Variants in TPRG1 observed in about 807,000 individuals in gnomAD.
TPRG1 encodes tumor protein p63 regulated 1.
In TPRG1, 29 loss-of-function variants were observed where a neutral mutation model predicts 29.3. The observed-to-expected ratio is 0.99, with a 90% CI of 0.74 to 1.35. The LOEUF (loss-of-function observed/expected upper bound fraction) is 1.35. TPRG1 is among the 40% of genes most tolerant of loss of function. The probability of loss-of-function intolerance (pLI) is 0.00; values close to 1 mark genes in which losing one functional copy is unlikely to be tolerated. For synonymous variants in TPRG1, 130 were observed against 116.8 expected, an observed-to-expected ratio of 1.11 and a Z score of -0.73; for missense variants, 327 against 335.0, an observed-to-expected ratio of 0.98 and a Z score of 0.19.
At chr3:189,279,514 T>C (rs1293796935) in intron 4 of TPRG1, among the ~76,000 whole-genome samples, 1 of 152,244 alleles carries the variant, frequency 6.6e-6, no homozygotes, top group African/African-American at 2.4e-5. Flanking sequence ...GAAACTAATT[T>C]GTGTAAATTA....
At chr3:189,230,075 G>C (rs545436187) in intron 3 of TPRG1, among the ~76,000 whole-genome samples, 92 of 152,282 alleles carry the variant, frequency 6.0e-4, no homozygotes, top group Middle Eastern at 3.4e-3. Context: ...GGAGAAAGTC[G>C]GTCAGGGGTG....
intron 4 of TPRG1, among the ~76,000 whole-genome samples, chr3:189,255,740 G>T (rs774599629): frequency 1.4e-4 from 22 of 152,058 alleles, no homozygotes; most frequent in Non-Finnish European, 2.4e-4. Context: ...TTTCTTCCTG[G>T]TTTAGTCTTG....
At chr3:189,022,968 C>A (rs913014949) in intron 3 of TPRG1, among the ~76,000 whole-genome samples, 2 of 152,120 alleles carry the variant, frequency 1.3e-5, no homozygotes, top group Admixed American at 6.5e-5. Context: ...GCGCAGTATT[C>A]GGGTGGGAGC....
chr3:189,270,017 A>ATCTTCTTCTTCTTCT (rs72453037), intron 4 of TPRG1, among the ~76,000 whole-genome samples: 227 of 148,812 alleles, frequency 1.5e-3, no homozygotes, highest in Middle Eastern at 6.9e-3. Flanking sequence ...TCTTCTCTGG[A>ATCTTCTTCTTCTTCT]TCTTCTTCTT....
At chr3:189,249,258 A>G (rs1345377457) in intron 4 of TPRG1, among the ~76,000 whole-genome samples, 3 of 151,870 alleles carry the variant, frequency 2.0e-5, no homozygotes, top group African/African-American at 7.2e-5. Context: ...GTGACTTTAC[A>G]TGAATGGTGA....
chr3:189,288,396 T>G (rs187159311), intron 4 of TPRG1, among the ~76,000 whole-genome samples: 117 of 152,290 alleles, frequency 7.7e-4, no homozygotes, highest in Admixed American at 2.5e-3. Context: ...GGAATGAATA[T>G]TATAGCACAT....
intron 5 of TPRG1, among the ~76,000 whole-genome samples, chr3:189,164,615 A>T (rs1034937204): frequency 1.3e-4 from 18 of 133,526 alleles, no homozygotes; most frequent in Non-Finnish European, 2.4e-4. Flanking sequence ...CTAAAAAAAA[A>T]AATAAAAGCT....
At chr3:189,302,789 A>G (rs1721039058) in intron 4 of TPRG1, among the ~76,000 whole-genome samples, 1 of 152,216 alleles carries the variant, frequency 6.6e-6, no homozygotes. Context: ...CATTTTCCTT[A>G]GAATAAATGG....
At chr3:189,106,108 C>CAAAAT (rs1260710448) in intron 1 of TPRG1, among the ~76,000 whole-genome samples, 4 of 151,906 alleles carry the variant, frequency 2.6e-5, no homozygotes, top group African/African-American at 9.7e-5. Flanking sequence ...CTACCAGAAA[C>CAAAAT]AAAACAAAAC....
intron 4 of TPRG1, among the ~76,000 whole-genome samples, chr3:189,272,039 T>A (rs1055108010): frequency 9.9e-5 from 15 of 152,228 alleles, no homozygotes; most frequent in African/African-American, 3.6e-4. Flanking sequence ...TTTTGGATTC[T>A]AATGAAATCA....
At chr3:189,130,956 ACTT>A (rs1415075301) in intron 2 of TPRG1, among the ~76,000 whole-genome samples, 1 of 152,186 alleles carries the variant, frequency 6.6e-6, no homozygotes, top group South Asian at 2.1e-4. Context: ...AGGATCCAAA[ACTT>A]CTGATTATGA....
intron 4 of TPRG1, among the ~76,000 whole-genome samples, chr3:189,260,161 AG>A (rs1712747643): frequency 6.6e-6 from 1 of 152,078 alleles, no homozygotes; most frequent in South Asian, 2.1e-4. Flanking sequence ...TGGAGGGAGG[AG>A]GGGAGGGTTG....
intron 4 of TPRG1, among the ~76,000 whole-genome samples, chr3:189,286,057 G>A (rs763026363): frequency 2.6e-5 from 4 of 151,978 alleles, no homozygotes; most frequent in Admixed American, 6.6e-5. Context: ...TTACCTTCAA[G>A]CTCACTCTGC....
At chr3:189,011,583 C>T (rs887802407) in intron 3 of TPRG1, among the ~76,000 whole-genome samples, 1 of 152,130 alleles carries the variant, frequency 6.6e-6, no homozygotes. Flanking sequence ...GGGCAACTCC[C>T]ATTTTTAAAA....
chr3:189,159,101 C>G (rs761560036), intron 5 of TPRG1, among the ~76,000 whole-genome samples: 5 of 152,082 alleles, frequency 3.3e-5, no homozygotes, highest in Non-Finnish European at 5.9e-5. Flanking sequence ...CCTCTCACAC[C>G]ACATGTGCAC....
chr3:189,069,150 T>C (rs1374171999), intron 4 of TPRG1, among the ~76,000 whole-genome samples: 1 of 152,214 alleles, frequency 6.6e-6, no homozygotes, highest in Non-Finnish European at 1.5e-5. Flanking sequence ...ATCTATATCA[T>C]GAATTACTGC....
intron 4 of TPRG1, among the ~76,000 whole-genome samples, chr3:189,251,739 T>G (rs376072431): frequency 1.3e-5 from 2 of 152,242 alleles, no homozygotes; most frequent in Non-Finnish European, 2.9e-5. Context: ...GTTGCCCGCA[T>G]GTCCCACCTC....
intron 4 of TPRG1, among the ~76,000 whole-genome samples, chr3:189,058,496 A>T (rs1471680283): frequency 1.3e-5 from 2 of 152,188 alleles, no homozygotes; most frequent in East Asian, 3.9e-4. Context: ...TTTATTCTTT[A>T]TATTTATAAC....
intron 4 of TPRG1, among the ~76,000 whole-genome samples, chr3:189,032,995 A>G (rs1384745553): frequency 6.6e-6 from 1 of 152,086 alleles, no homozygotes; most frequent in African/African-American, 2.4e-5. Flanking sequence ...CTGTAGTCCA[A>G]ATGTCCCACA....
Sources: allele counts gnomAD v4.1 joint callset (sites outside exome capture counted in the v4.1 genomes callset), GRCh38; gene constraint gnomAD v4.1.1; transcripts MANE v1.5; gene names NCBI Gene and HGNC (gene_info 2026-07-23, HGNC 2026-07-21).